Variants in FARP2 observed in about 807,000 individuals in gnomAD.
FARP2 encodes the protein FERM, ARH/RhoGEF and pleckstrin domain protein 2.
In FARP2, 111 loss-of-function variants were observed where a neutral mutation model predicts 130.5. That is an observed-to-expected ratio of 0.85 (90% CI 0.73 to 1.00). The LOEUF is 1.00. Ranked by LOEUF, FARP2 falls within the 50% of genes least tolerant of loss-of-function variation. FARP2 has a pLI of 0.00. For missense variants in FARP2, 1,385 were observed against 1,346.3 expected (o/e 1.03, Z -0.45); for synonymous variants, 504 against 516.9 (o/e 0.98, Z 0.34).
At position 241,468,266 on chromosome 2, in the gene FARP2, C is replaced by G. The variant is rs1179325036; in HGVS notation, c.2020C>G (p.Leu674Val). The stretch of plus-strand genomic sequence containing the variant: ...GCTGCAGAAGGTCTGCTACTTGCCT[C>G]TCAACACGTTCCTGCTGAAGCCCAT... ...FELQKVCYLPLNTFLLKPIQR... is the reference protein window; with the variant it reads ...FELQKVCYLPVNTFLLKPIQR... Residue 674 changes from leucine (L) to valine (V), a missense_variant, in exon 18 of 27, where the codon CTC becomes GTC. Coordinates refer to ENST00000264042, the MANE Select transcript of FARP2 (RefSeq NM_014808.4). 2 of 1,613,990 alleles carry G rather than the reference C, an allele frequency of 1.2e-6. No homozygotes were observed. Among genetic ancestry groups the G allele is most frequent in the Non-Finnish European group, 1.7e-6 (2 of 1,179,994 alleles).
chr2:241,479,598 A>G (rs1025249620), intron 19 of FARP2, among the ~76,000 whole-genome samples: 7 of 152,200 alleles, frequency 4.6e-5, no homozygotes, highest in African/African-American at 1.7e-4. Context: ...AGGCTTTTCA[A>G]TTTGTATTTT....
At chr2:241,399,241 G>C (rs1347951981) in intron 2 of FARP2, among the ~76,000 whole-genome samples, 1 of 152,090 alleles carries the variant, frequency 6.6e-6, no homozygotes, top group Admixed American at 6.6e-5. Context: ...TCATTAATTG[G>C]GTTGTCTGGT....
At chr2:241,446,497 G>GGAGTAATTGTAGC (rs1283261091) in intron 13 of FARP2, 41 of 152,302 alleles carry the variant, frequency 2.7e-4, no homozygotes, top group African/African-American at 8.2e-4. Flanking sequence ...ACCGCTCTGA[G>GGAGTAATTGTAGC]GAGTAATTGT....
rs1277856545 is a variant in FARP2 at position 241,436,273 on chromosome 2, G to A, written c.1101-208G>A. Among the ~76,000 whole-genome samples, 4 of 152,112 alleles carry A rather than the reference G, an allele frequency of 2.6e-5. No individual in the cohort carries two copies. In the East Asian group the frequency reaches 7.7e-4, roughly 29 times the overall value. On this transcript the variant is annotated intron_variant, in intron 11 of 26. Coordinates refer to ENST00000264042, the MANE Select transcript of FARP2 (RefSeq NM_014808.4). The stretch of plus-strand genomic sequence containing the variant: ...CGCACGTGGAATTTTTTCCTTTAGT[G>A]TGGGTGTGTAATCTTACCTCTCTTG...
At chr2:241,411,179 T>TGGTC (rs1559744576) in intron 6 of FARP2, 49 bp downstream of exon 6, 9 of 1,284,764 alleles carry the variant, frequency 7.0e-6, no homozygotes, top group Middle Eastern at 2.0e-4. Context: ...ATGGCACAGA[T>TGGTC]ATACCCGCAC....
chr2:241,489,214 C>T (rs1379027459), intron 21 of FARP2: 2 of 152,256 alleles, frequency 1.3e-5, no homozygotes, highest in African/African-American at 4.8e-5. Context: ...TTGTTGGTAA[C>T]TGGCTGGTCC....
intron 8 of FARP2, among the ~76,000 whole-genome samples, chr2:241,427,616 C>A (rs952283677): frequency 6.6e-6 from 1 of 152,124 alleles, no homozygotes; most frequent in Non-Finnish European, 1.5e-5. Flanking sequence ...AACCAATCCC[C>A]TACAGATACC....
rs1396745120 is a variant in FARP2 at position 241,484,418 on chromosome 2, C to G, written c.2421+87C>G. The G allele has an allele frequency of 2.0e-5, 21 of 1,036,384 alleles. 1 individual carries two copies. The South Asian group carries it at 2.2e-4, about 11-fold the overall frequency. 64.2% of individuals were successfully genotyped at this position (1,036,384 alleles called of 1,614,324 possible). A position where few individuals can be genotyped will look rare whatever the true frequency, so the allele number is the denominator to read the frequency against. On this transcript the variant is annotated intron_variant, in intron 21 of 26. Transcript: ENST00000264042. ...TCTCTCCTGCAGAGGCGAATCCTTA[C>G]CCAGCAACACTGAGAGCAGCACCTG...
Position 241,494,184 on chromosome 2 carries a change from C to T in FARP2, c.*59C>T, listed in dbSNP as rs2065040640. ...AAGAACAGCAGGACACAGAGGTGAC[C>T]TCTGTCCTGAGGCTTCTCAACAGAT... On this transcript the variant is annotated 3_prime_UTR_variant, in exon 27 of 27. Transcript: ENST00000264042. The surrounding 1 kb of genome is among the most constrained non-coding windows in gnomAD (Gnocchi z 4.9). 1 of 1,105,450 alleles carries T rather than the reference C, an allele frequency of 9.0e-7. No homozygotes were observed. The highest frequency in any genetic ancestry group is 1.3e-6 in the Non-Finnish European group (1 of 796,440). 68.5% of individuals were successfully genotyped at this position (1,105,450 alleles called of 1,614,324 possible).
intron 21 of FARP2, 136 bp from the exon 22 acceptor site, chr2:241,489,826 A>G: frequency 1.6e-6 from 1 of 622,370 alleles, no homozygotes; most frequent in East Asian, 2.8e-5. Context: ...CCTCTTGTAG[A>G]GTCTGTGTGC....
chr2:241,406,364 TC>T (rs2062346803), intron 4 of FARP2, among the ~76,000 whole-genome samples: 2 of 149,388 alleles, frequency 1.3e-5, no homozygotes, highest in Non-Finnish European at 3.0e-5. Context: ...TCTCTCTCTC[TC>T]TTTATATATA....
chr2:241,493,208 G>C, intron 25 of FARP2, 85 bp from the exon 26 acceptor site: 1 of 1,476,662 alleles, frequency 6.8e-7, no homozygotes, highest in Non-Finnish European at 9.4e-7. Flanking sequence ...ATTTGTACGT[G>C]CCACCGTTGT....
At chr2:241,442,120 G>T (rs1218047459) in intron 13 of FARP2, 2 of 409,666 alleles carry the variant, frequency 4.9e-6, no homozygotes, top group African/African-American at 4.1e-5. Context: ...GCGCCTGCTG[G>T]GTCCTTCTGA....
intron 13 of FARP2, chr2:241,446,169 A>G (rs913157483): frequency 6.6e-6 from 1 of 152,248 alleles, no homozygotes; most frequent in Non-Finnish European, 1.5e-5. Flanking sequence ...CACGAAAAAT[A>G]TGTAATAGCA....
chr2:241,400,027 G>A (rs58359728), intron 2 of FARP2, among the ~76,000 whole-genome samples: 2,636 of 152,224 alleles, frequency 0.017, 89 homozygotes, highest in African/African-American at 0.06. Context: ...CCCTGTCCTG[G>A]GTGTTGGACA....
intron 2 of FARP2, among the ~76,000 whole-genome samples, chr2:241,394,241 A>T (rs2150333188): frequency 6.6e-6 from 1 of 152,308 alleles, no homozygotes; most frequent in Non-Finnish European, 1.5e-5. Flanking sequence ...CATGTGGGCC[A>T]GGTGCTTTGG....
At chr2:241,381,169 T>C (rs1383170305) in intron 2 of FARP2, among the ~76,000 whole-genome samples, 4 of 152,204 alleles carry the variant, frequency 2.6e-5, no homozygotes, top group Non-Finnish European at 4.4e-5. Flanking sequence ...CACTCTGCTG[T>C]GGGCCCTGTA....
At chr2:241,382,359 A>G (rs1006424117) in intron 2 of FARP2, among the ~76,000 whole-genome samples, 1 of 148,088 alleles carries the variant, frequency 6.8e-6, no homozygotes, top group African/African-American at 2.5e-5. Context: ...CGGTGGTGCA[A>G]TCCAACCTCC....
intron 19 of FARP2, among the ~76,000 whole-genome samples, chr2:241,481,671 T>C (rs1458663237): frequency 6.6e-6 from 1 of 152,216 alleles, no homozygotes. Flanking sequence ...GTGTTATTTC[T>C]CCTAGTAACC....
Sources: allele counts gnomAD v4.1 joint callset (sites outside exome capture counted in the v4.1 genomes callset), GRCh38; gene constraint gnomAD v4.1.1; non-coding constraint Gnocchi (gnomAD v3.1); transcripts MANE v1.5; gene names NCBI Gene and HGNC (gene_info 2026-07-23, HGNC 2026-07-21).